Variants in SEPTIN11 observed in about 807,000 individuals in gnomAD.
SEPTIN11 encodes septin-11.
Under a neutral mutation model 51.4 loss-of-function variants are expected in SEPTIN11, and 25 were observed. The observed-to-expected ratio is 0.49, with a 90% CI of 0.35 to 0.68. The LOEUF (loss-of-function observed/expected upper bound fraction) is 0.68, where lower values mean the gene tolerates loss of function less well. Ranked by LOEUF, SEPTIN11 falls within the 30% of genes least tolerant of loss-of-function variation. The pLI is 0.00. For synonymous variants in SEPTIN11, 174 were observed against 184.1 expected (o/e 0.95, Z 0.44); for missense variants, 381 against 520.8 (o/e 0.73, Z 2.61).
chr4:77,033,008 A>G (rs1726769016), intron 9 of SEPTIN11, among the ~76,000 whole-genome samples: 3 of 152,346 alleles, frequency 2.0e-5, no homozygotes, highest in Middle Eastern at 3.4e-3. Flanking sequence ...TTTGAAGGAT[A>G]TTATACTTAA....
At chr4:76,955,277 C>T (rs916832747) in intron 1 of SEPTIN11, among the ~76,000 whole-genome samples, 14 of 152,214 alleles carry the variant, frequency 9.2e-5, no homozygotes, top group African/African-American at 3.4e-4. Flanking sequence ...GAGTACTTGA[C>T]TGCAGTCTTT....
chr4:76,966,679 T>C (rs995963576), intron 1 of SEPTIN11, among the ~76,000 whole-genome samples: 1 of 151,426 alleles, frequency 6.6e-6, no homozygotes, highest in African/African-American at 2.4e-5. Context: ...CCCGGCAACA[T>C]GGTGAAACCC....
downstream of SEPTIN11, chr4:77,039,557 A>C: frequency 2.0e-6 from 2 of 985,278 alleles, no homozygotes; most frequent in South Asian, 9.4e-5. Flanking sequence ...GAACAGCCTG[A>C]TCAGGATCCT....
At position 77,024,613 on chromosome 4, in the gene SEPTIN11, G is replaced by A. The variant is rs138685553; in HGVS notation, c.953+3943G>A. On this transcript the variant is annotated intron_variant, in intron 7 of 9. Coordinates refer to ENST00000264893, the MANE Select transcript of SEPTIN11 (RefSeq NM_018243.4). The surrounding 1 kb of genome is among the most constrained non-coding windows in gnomAD (Gnocchi z 4.2). ...ACCACCGTCTCCTTGCTTCACCCCC[G>A]TTCAACTCACACGAAGCACTCAGTT... Among the ~76,000 whole-genome samples, 7 of 152,178 alleles carry A rather than the reference G, an allele frequency of 4.6e-5. No individual in the cohort carries two copies. The East Asian group carries it at 7.7e-4, about 17-fold the overall frequency.
At chr4:76,971,321 A>G (rs923452619) in intron 1 of SEPTIN11, among the ~76,000 whole-genome samples, 4 of 152,202 alleles carry the variant, frequency 2.6e-5, no homozygotes, top group Non-Finnish European at 5.9e-5. Flanking sequence ...GCTCAGAAGT[A>G]ACTTTCCCCA....
Position 77,038,379 on chromosome 4 carries a change from G to T in SEPTIN11, c.*3867G>T. The T allele has an allele frequency of 1.0e-6, 1 of 985,800 alleles. No individual in the cohort carries two copies. Among genetic ancestry groups the T allele is most frequent in the East Asian group, 1.1e-4 (1 of 8,818 alleles). 61.1% of individuals were successfully genotyped at this position (985,800 alleles called of 1,614,324 possible). A position where few individuals can be genotyped will look rare whatever the true frequency, so the allele number is the denominator to read the frequency against. On this transcript the variant is annotated 3_prime_UTR_variant, in exon 10 of 10. Coordinates refer to ENST00000264893, the MANE Select transcript of SEPTIN11 (RefSeq NM_018243.4). The stretch of plus-strand genomic sequence containing the variant: ...AACTGTCGTGTAATCTACTTTCATT[G>T]TTAATGCAGAATTGTCATATATGTA...
intron 1 of SEPTIN11, among the ~76,000 whole-genome samples, chr4:76,963,510 T>G (rs527875764): frequency 6.6e-6 from 1 of 152,358 alleles, no homozygotes; most frequent in South Asian, 2.1e-4. Context: ...CATGTAGAGA[T>G]ACCACCCTAG....
chr4:77,016,506 CATAT>C (rs199953588), intron 5 of SEPTIN11, among the ~76,000 whole-genome samples: 3 of 140,452 alleles, frequency 2.1e-5, no homozygotes, highest in African/African-American at 7.9e-5. Flanking sequence ...ATATATATAG[CATAT>C]ATATATATTT....
At chr4:77,023,279 C>T (rs1380214976) in intron 7 of SEPTIN11, among the ~76,000 whole-genome samples, 11 of 132,990 alleles carry the variant, frequency 8.3e-5, no homozygotes, top group African/African-American at 3.8e-4. Flanking sequence ...TACACACACA[C>T]ACACACACAC....
intron 5 of SEPTIN11, among the ~76,000 whole-genome samples, chr4:77,017,360 C>T (rs1353434004): frequency 1.3e-5 from 2 of 152,168 alleles, no homozygotes; most frequent in African/African-American, 4.8e-5. Context: ...ACTATTCTTG[C>T]TGATCAAATT....
intron 7 of SEPTIN11, among the ~76,000 whole-genome samples, chr4:77,023,848 A>G (rs918206681): frequency 1.3e-5 from 2 of 152,170 alleles, no homozygotes; most frequent in Non-Finnish European, 2.9e-5. Flanking sequence ...CCAGAATTTC[A>G]TCTGCAAAGT....
chr4:77,032,720 T>C (rs1726746248), intron 9 of SEPTIN11, among the ~76,000 whole-genome samples: 2 of 152,238 alleles, frequency 1.3e-5, no homozygotes, highest in African/African-American at 4.8e-5. Context: ...AAACTAAGAA[T>C]GTTTCCAAAA....
intron 1 of SEPTIN11, among the ~76,000 whole-genome samples, chr4:76,993,876 A>G (rs989308832): frequency 2.0e-5 from 3 of 152,192 alleles, no homozygotes; most frequent in Admixed American, 1.3e-4. Flanking sequence ...GTATAAAAAT[A>G]CTTAGTGGGT....
intron 3 of SEPTIN11, among the ~76,000 whole-genome samples, chr4:77,009,487 T>C (rs923628554): frequency 6.6e-6 from 1 of 152,068 alleles, no homozygotes; most frequent in Non-Finnish European, 1.5e-5. Flanking sequence ...AGGGAATACA[T>C]AGAGTGAAAA....
At chr4:76,992,037 A>T (rs573060667) in intron 1 of SEPTIN11, among the ~76,000 whole-genome samples, 1 of 152,360 alleles carries the variant, frequency 6.6e-6, no homozygotes, top group African/African-American at 2.4e-5. Flanking sequence ...CCTAATTACA[A>T]ATCCTTACTA....
At chr4:76,952,631 G>A (rs1721395397) in intron 1 of SEPTIN11, among the ~76,000 whole-genome samples, 1 of 152,210 alleles carries the variant, frequency 6.6e-6, no homozygotes, top group Admixed American at 6.5e-5. Flanking sequence ...AGTTTCTTAA[G>A]TGGATTTGTT....
chr4:76,965,026 T>C lies in SEPTIN11; in HGVS notation c.27+15096T>C, dbSNP rs550499059. On this transcript the variant is annotated intron_variant, in intron 1 of 9. Transcript: ENST00000264893. ...GTTAAAACTTGGCATTGCTAAGTCA[T>C]TCTTACCTAGCTTTTAAAATGACAG... 3.3e-5 allele frequency among the ~76,000 whole-genome samples: 5 copies of C among 152,284 alleles called. No homozygotes were observed. The East Asian group carries it at 7.7e-4, about 24-fold the overall frequency.
chr4:77,017,407 G>A (rs1257286509), intron 5 of SEPTIN11, among the ~76,000 whole-genome samples: 1 of 152,176 alleles, frequency 6.6e-6, no homozygotes, highest in Non-Finnish European at 1.5e-5. Flanking sequence ...TCCACTGGCA[G>A]TTGCTTTTGT....
chr4:77,010,833 G>C lies in SEPTIN11; in HGVS notation c.339-902G>C, dbSNP rs192886905. Among the ~76,000 whole-genome samples the C allele has an allele frequency of 1.9e-3, 289 of 152,284 alleles. 2 individuals are homozygous for C. Among genetic ancestry groups the C allele is most frequent in the African/African-American group, 6.5e-3 (271 of 41,558 alleles). ...TTTGTTGCTAAAACGAACTTCTTCT[G>C]AGTAGTCCCTTTGGAGACCAGAAAG... is the stretch of plus-strand genomic sequence containing the variant. On this transcript the variant is annotated intron_variant, in intron 3 of 9. Coordinates refer to ENST00000264893, the MANE Select transcript of SEPTIN11 (RefSeq NM_018243.4).
Sources: allele counts gnomAD v4.1 joint callset (sites outside exome capture counted in the v4.1 genomes callset), GRCh38; gene constraint gnomAD v4.1.1; non-coding constraint Gnocchi (gnomAD v3.1); transcripts MANE v1.5; gene names NCBI Gene and HGNC (gene_info 2026-07-23, HGNC 2026-07-21).